SORCS2: variants seen among roughly 807,000 people sequenced by gnomAD.
SORCS2 encodes VPS10 domain-containing receptor SorCS2.
A neutral mutation model predicts 141.6 loss-of-function variants in SORCS2; 100 were observed. The observed-to-expected ratio is 0.71, with a 90% CI of 0.60 to 0.83. The LOEUF is 0.83. SORCS2 is among the 40% of genes least tolerant of loss of function. The probability of loss-of-function intolerance (pLI) is 0.00; values close to 1 mark genes in which losing one functional copy is unlikely to be tolerated. For synonymous variants in SORCS2, 789 were observed against 676.9 expected, an observed-to-expected ratio of 1.17 and a Z score of -2.57; for missense variants, 1,646 against 1,560.2, an observed-to-expected ratio of 1.05 and a Z score of -0.93.
chr4:7,654,285 C>T (rs1721617756), intron 5 of SORCS2, 78 bp downstream of exon 5: 4 of 1,418,648 alleles, frequency 2.8e-6, no homozygotes, highest in Non-Finnish European at 3.9e-6. Flanking sequence ...CTTGGGAGCC[C>T]ATCCCTGCAG....
At chr4:7,461,897 TGCTGTCCCGCAGGCTTCAGTGCCTC>T in intron 2 of SORCS2, among the ~76,000 whole-genome samples, 1 of 101,472 alleles carries the variant, frequency 9.9e-6, no homozygotes, top group South Asian at 2.9e-4. Flanking sequence ...ACCTGGGAGG[TGCTGTCCCGCAGGCTTCAGTGCCTC>T]TGCTGTCCTG....
chr4:7,726,443 C>T (rs1727224070), intron 20 of SORCS2, among the ~76,000 whole-genome samples: 1 of 152,116 alleles, frequency 6.6e-6, no homozygotes, highest in Admixed American at 6.5e-5. Flanking sequence ...CATGGGGGTG[C>T]ATACATGTGT....
intron 2 of SORCS2, among the ~76,000 whole-genome samples, chr4:7,512,533 C>G (rs1452365876): frequency 1.3e-5 from 2 of 152,112 alleles, no homozygotes; most frequent in East Asian, 3.9e-4. Flanking sequence ...GTGCCACTCA[C>G]TGGTCTACAG....
At chr4:7,481,181 C>A (rs1210233413) in intron 2 of SORCS2, among the ~76,000 whole-genome samples, 1 of 152,224 alleles carries the variant, frequency 6.6e-6, no homozygotes, top group African/African-American at 2.4e-5. Flanking sequence ...GAGCCACAGA[C>A]TTTCCTGAGT....
At chr4:7,352,249 A>G (rs903548985) in intron 1 of SORCS2, among the ~76,000 whole-genome samples, 3 of 152,202 alleles carry the variant, frequency 2.0e-5, no homozygotes, top group Non-Finnish European at 4.4e-5. Context: ...TGTCTTCTTT[A>G]TCTCTCAGTG....
chr4:7,653,649 G>A (rs1187993198), intron 4 of SORCS2, among the ~76,000 whole-genome samples: 7 of 152,132 alleles, frequency 4.6e-5, no homozygotes, highest in African/African-American at 1.2e-4. Context: ...CTGGTCATAC[G>A]CTGTGAGGCT....
In SORCS2 at chr4:7,452,655, A is replaced by T. The variant is rs557578465; in HGVS notation, c.548+56300A>T. The stretch of plus-strand genomic sequence containing the variant: ...AATGTCCGGGCCTCTCTCTAGCCAC[A>T]TGCCCAGCAGCTGGCTTACCACTCT... On this transcript the variant is annotated intron_variant, in intron 2 of 26. Coordinates refer to ENST00000507866, the MANE Select transcript of SORCS2 (RefSeq NM_020777.3). Among the ~76,000 whole-genome samples the T allele has an allele frequency of 3.3e-5, 5 of 152,338 alleles. No homozygotes were observed. The South Asian group carries it at 1.0e-3, about 32-fold the overall frequency.
intron 3 of SORCS2, among the ~76,000 whole-genome samples, chr4:7,538,900 T>A (rs1712344658): frequency 6.6e-6 from 1 of 152,226 alleles, no homozygotes; most frequent in Non-Finnish European, 1.5e-5. Flanking sequence ...AACCTCCACT[T>A]GGCAGAGGCG....
Position 7,726,710 on chromosome 4 carries a change from C to A in SORCS2, c.2746-70C>A, listed in dbSNP as rs1201896088. The A allele has an allele frequency of 2.5e-6, 4 of 1,570,268 alleles. No homozygotes were observed. The African/African-American group carries it at 4.1e-5, about 16-fold the overall frequency. On this transcript the variant is annotated intron_variant, in intron 20 of 26. Coordinates refer to ENST00000507866, the MANE Select transcript of SORCS2 (RefSeq NM_020777.3). ...GCAATGCTCTCAGTGAGGCAGCGACCATAGGCCAGCGTCCCCCACGGCCGC... is the reference window on the plus strand; with the variant it reads ...GCAATGCTCTCAGTGAGGCAGCGACAATAGGCCAGCGTCCCCCACGGCCGC...
chr4:7,244,461 G>A (rs546012874), intron 1 of SORCS2, among the ~76,000 whole-genome samples: 1 of 152,336 alleles, frequency 6.6e-6, no homozygotes, highest in Non-Finnish European at 1.5e-5. Flanking sequence ...CCGCTGCTCC[G>A]TCCCTGCCCC....
At chr4:7,337,531 G>A (rs1312274891) in intron 1 of SORCS2, among the ~76,000 whole-genome samples, 1 of 152,116 alleles carries the variant, frequency 6.6e-6, no homozygotes, top group Non-Finnish European at 1.5e-5. Flanking sequence ...GCGGAGACCT[G>A]GCTTGTTGGA....
intron 1 of SORCS2, among the ~76,000 whole-genome samples, chr4:7,259,727 T>C (rs76261754): frequency 0.04 from 6,108 of 152,308 alleles, 369 homozygotes; most frequent in African/African-American, 0.13. Flanking sequence ...GTTTCTCTTC[T>C]AGTCATCATC....
chr4:7,242,583 C>T (rs1712778214), intron 1 of SORCS2, among the ~76,000 whole-genome samples: 2 of 152,156 alleles, frequency 1.3e-5, no homozygotes, highest in Admixed American at 6.5e-5. Context: ...CTTGGCTGGA[C>T]ACCTGGGCTA....
At chr4:7,348,113 C>G (rs1720741970) in intron 1 of SORCS2, among the ~76,000 whole-genome samples, 1 of 152,132 alleles carries the variant, frequency 6.6e-6, no homozygotes, top group Non-Finnish European at 1.5e-5. Flanking sequence ...AAGAGAGTCC[C>G]TCGTGTCAGG....
chr4:7,483,613 C>T (rs1428836357), intron 2 of SORCS2, among the ~76,000 whole-genome samples: 1 of 152,074 alleles, frequency 6.6e-6, no homozygotes, highest in African/African-American at 2.4e-5. Flanking sequence ...CGGAAAAAAG[C>T]ACCTACTGTA....
At chr4:7,254,957 G>T (rs972840753) in intron 1 of SORCS2, among the ~76,000 whole-genome samples, 1 of 152,276 alleles carries the variant, frequency 6.6e-6, no homozygotes, top group East Asian at 1.9e-4. Flanking sequence ...TGCAGCCCAA[G>T]CATGGGCAAC....
At chr4:7,678,154 G>A (rs771139302) in intron 9 of SORCS2, among the ~76,000 whole-genome samples, 1 of 152,252 alleles carries the variant, frequency 6.6e-6, no homozygotes, top group Non-Finnish European at 1.5e-5. Context: ...GAGTGCTGGG[G>A]CCTGGAGACA....
chr4:7,420,435 G>C (rs1725964567), intron 2 of SORCS2, among the ~76,000 whole-genome samples: 1 of 152,200 alleles, frequency 6.6e-6, no homozygotes, highest in Admixed American at 6.5e-5. Flanking sequence ...AGGAGAGCTA[G>C]CTGAGACTCA....
At chr4:7,199,076 G>T (rs1157898579) in intron 1 of SORCS2, among the ~76,000 whole-genome samples, 5 of 152,204 alleles carry the variant, frequency 3.3e-5, no homozygotes, top group Non-Finnish European at 4.4e-5. Flanking sequence ...CTTTGCGGAA[G>T]TCCCCATCCT....
Sources: gnomAD v4.1 joint callset for allele counts (sites outside exome capture counted in the v4.1 genomes callset) on GRCh38, gnomAD v4.1.1 for gene constraint, MANE v1.5 for transcripts, NCBI Gene and HGNC (gene_info 2026-07-23, HGNC 2026-07-21) for gene names.